Variants in DOCK8 observed in about 807,000 individuals in gnomAD.
The protein encoded by DOCK8 is dedicator of cytokinesis protein 8.
A neutral mutation model predicts 245.6 loss-of-function variants in DOCK8; 141 were observed. The observed-to-expected ratio is 0.57, with a 90% CI of 0.50 to 0.66. The LOEUF is 0.66. Ranked by LOEUF, DOCK8 falls within the 30% of genes least tolerant of loss-of-function variation. The pLI is 0.00. For missense variants in DOCK8, 2,965 were observed against 2,603.4 expected (o/e 1.14, Z -3.02); for synonymous variants, 1,168 against 970.2 (o/e 1.20, Z -3.79).
At chr9:266,144 T>C (rs2129855083) in intron 1 of DOCK8, among the ~76,000 whole-genome samples, 1 of 152,300 alleles carries the variant, frequency 6.6e-6, no homozygotes, top group East Asian at 1.9e-4. Flanking sequence ...AAAATCTGGC[T>C]CAGAAATCTT....
At chr9:248,370 C>G (rs896241560) in intron 1 of DOCK8, among the ~76,000 whole-genome samples, 1 of 152,124 alleles carries the variant, frequency 6.6e-6, no homozygotes, top group Non-Finnish European at 1.5e-5. Context: ...TTTTACCTTC[C>G]TTGCTTTCAA....
At chr9:324,036 G>T (rs543506994) in intron 7 of DOCK8, among the ~76,000 whole-genome samples, 16 of 152,278 alleles carry the variant, frequency 1.1e-4, no homozygotes, top group Admixed American at 2.6e-4. Context: ...CCAGGAAAAT[G>T]GAAAGGCAAG....
intron 32 of DOCK8, 89 bp from the exon 33 acceptor site, chr9:421,959 G>A (rs371086888): frequency 8.6e-5 from 99 of 1,148,610 alleles, no homozygotes; most frequent in African/African-American, 4.7e-4. Context: ...TGGTGCTGAG[G>A]CTTCTCAGTT....
rs776747526 is a variant in DOCK8 at position 407,087 on chromosome 9, A to G, written c.3530+18A>G. ...GGGGAAGGGTATGTTTCTGGCATTT[A>G]AAATGGAAGATGAAGCCAAAAAAAC... On this transcript the variant is annotated intron_variant, in intron 28 of 47. Coordinates refer to ENST00000432829, the MANE Select transcript of DOCK8 (RefSeq NM_203447.4). 1.9e-6 allele frequency: 3 copies of G among 1,613,882 alleles called. No individual in the cohort carries two copies. Among genetic ancestry groups the G allele is most frequent in the Admixed American group, 1.7e-5 (1 of 59,982 alleles).
rs141863163 is a variant in DOCK8 at position 420,563 on chromosome 9, G to T, written c.4003G>T (p.Val1335Leu). The T allele has an allele frequency of 1.6e-4, 261 of 1,614,010 alleles. No homozygotes were observed. The highest frequency in any genetic ancestry group is 2.0e-4 in the Non-Finnish European group (241 of 1,180,042). The stretch of plus-strand genomic sequence containing the variant: ...GATTTTAGATCTACTTTTCATCTGT[G>T]TGTTATGTTTTGAGTATAAGGTAAG... ...NRILDLLFIC[V>L]LCFEYKGKQS... Residue 1335 changes from valine to leucine, a missense_variant, in exon 31 of 48, where the codon GTG becomes TTG. This residue lies in a region of DOCK8 where 2,825 missense variants were observed against 2,453.5 expected (regional missense o/e 1.15). Coordinates refer to ENST00000432829, the MANE Select transcript of DOCK8 (RefSeq NM_203447.4).
At chr9:272,519 G>A (rs1410252624) in intron 2 of DOCK8, among the ~76,000 whole-genome samples, 1 of 152,046 alleles carries the variant, frequency 6.6e-6, no homozygotes, top group Non-Finnish European at 1.5e-5. Context: ...CCAAGTAGCC[G>A]GGACTACAGG....
At chr9:358,161 T>A (rs1422503128) in intron 14 of DOCK8, among the ~76,000 whole-genome samples, 1 of 152,180 alleles carries the variant, frequency 6.6e-6, no homozygotes, top group Admixed American at 6.5e-5. Flanking sequence ...CATAGCTCAC[T>A]GCAGCCTTGA....
chr9:347,162 G>A (rs537227933), intron 14 of DOCK8, among the ~76,000 whole-genome samples: 16 of 152,230 alleles, frequency 1.1e-4, no homozygotes, highest in African/African-American at 3.9e-4. Context: ...TCTCATGGAA[G>A]GGAAGCTTCC....
At chr9:381,553 TAGTGTC>T (rs1255015602) in intron 21 of DOCK8, among the ~76,000 whole-genome samples, 1 of 152,216 alleles carries the variant, frequency 6.6e-6, no homozygotes, top group Non-Finnish European at 1.5e-5. Flanking sequence ...ATATAAAAAT[TAGTGTC>T]AGTGAGTTCA....
At position 429,743 on chromosome 9, in the gene DOCK8, C is replaced by T. The variant is rs781102523; in HGVS notation, c.4515C>T (p.Phe1505=). 1.9e-5 allele frequency: 30 copies of T among 1,614,022 alleles called. No homozygotes were observed. Among genetic ancestry groups the T allele is most frequent in the African/African-American group, 1.1e-4 (8 of 74,910 alleles). ...LLFEEEVEQC[F]DLCHQVLHHC... Reference sequence around the variant, plus strand: ...TTGAAGAGGAGGTGGAACAGTGTTTCGACCTATGTCACCAAGTCCTGCACC... The same window carrying T: ...TTGAAGAGGAGGTGGAACAGTGTTTTGACCTATGTCACCAAGTCCTGCACC... The change falls in exon 36 of 48, where the codon TTC becomes TTT. Residue 1505 remains phenylalanine, a synonymous_variant. Coordinates refer to ENST00000432829, the MANE Select transcript of DOCK8 (RefSeq NM_203447.4).
chr9:441,137 T>A, intron 40 of DOCK8, 149 bp from the exon 41 acceptor site: 1 of 1,123,866 alleles, frequency 8.9e-7, no homozygotes. Flanking sequence ...GTCCCAAAAG[T>A]GCTCAGATAC....
At chr9:308,586 A>T (rs528844813) in intron 5 of DOCK8, among the ~76,000 whole-genome samples, 2 of 152,356 alleles carry the variant, frequency 1.3e-5, no homozygotes, top group East Asian at 1.9e-4. Context: ...AGATTATATT[A>T]TGCATAATAT....
At chr9:260,230 C>G (rs2047885377) in intron 1 of DOCK8, among the ~76,000 whole-genome samples, 1 of 152,092 alleles carries the variant, frequency 6.6e-6, no homozygotes, top group African/African-American at 2.4e-5. Flanking sequence ...CTTAGTATGC[C>G]CAAATGAAAT....
chr9:433,187 C>T (rs1275231388), intron 37 of DOCK8, among the ~76,000 whole-genome samples: 2 of 152,192 alleles, frequency 1.3e-5, no homozygotes, highest in Admixed American at 6.5e-5. Context: ...GAGGTATTCA[C>T]CAACAAGACC....
chr9:377,039 C>G lies in DOCK8; in HGVS notation c.2268C>G (p.Pro756=), dbSNP rs376532348. The change falls in exon 20 of 48, where the codon CCC becomes CCG. Residue 756 remains proline (P), a synonymous_variant. Coordinates refer to ENST00000432829, the MANE Select transcript of DOCK8 (RefSeq NM_203447.4). ...CHSLESQVTF[P]IRVLDQKISE... is the part of the protein sequence containing the mutation. ...CCCTGGAGAGCCAGGTGACCTTCCC[C>G]ATCCGCGTGCTGGATCAGAAAATCA... 6.2e-7 allele frequency: 1 copy of G among 1,613,886 alleles called. No individual in the cohort carries two copies. The highest frequency in any genetic ancestry group is 1.3e-5 in the African/African-American group (1 of 74,936).
At chr9:311,857 G>T in intron 5 of DOCK8, 97 bp from the exon 6 acceptor site, 1 of 1,462,518 alleles carries the variant, frequency 6.8e-7, no homozygotes, top group African/African-American at 1.4e-5. Context: ...AGATTCTGTA[G>T]TCCCAAATTG....
chr9:402,649 C>T (rs2055166448), intron 26 of DOCK8, among the ~76,000 whole-genome samples: 1 of 152,178 alleles, frequency 6.6e-6, no homozygotes, highest in African/African-American at 2.4e-5. Context: ...TTTTGCATAA[C>T]CTATTATGTT....
rs531856 is a variant in DOCK8, at chr9:245,332, A to G, written c.54-26295A>G. Among the ~76,000 whole-genome samples, 459 of 152,012 alleles carry G rather than the reference A, an allele frequency of 3.0e-3. 1 individual carries two copies. The highest frequency in any genetic ancestry group is 5.1e-3 in the Non-Finnish European group (345 of 67,986). On this transcript the variant is annotated intron_variant, in intron 1 of 47. Coordinates refer to ENST00000432829, the MANE Select transcript of DOCK8 (RefSeq NM_203447.4). Reference sequence around the variant, plus strand: ...TGATTCTCCTACCTCAGCCTCCCCAATAGCTAGGATTACAGGCAAGCACCA... The same window carrying G: ...TGATTCTCCTACCTCAGCCTCCCCAGTAGCTAGGATTACAGGCAAGCACCA...
chr9:430,241 G>A (rs1468037798), intron 36 of DOCK8, among the ~76,000 whole-genome samples: 2 of 152,004 alleles, frequency 1.3e-5, no homozygotes, highest in Admixed American at 1.3e-4. Flanking sequence ...AGATGTGTTG[G>A]CGCATGCCTG....
Sources: gnomAD v4.1 joint callset for allele counts (sites outside exome capture counted in the v4.1 genomes callset) on GRCh38, gnomAD v4.1.1 for gene constraint, gnomAD v4.1.1 regional missense constraint, MANE v1.5 for transcripts, NCBI Gene and HGNC (gene_info 2026-07-23, HGNC 2026-07-21) for gene names.